The following HOMER2 variants were observed in gnomAD, a reference collection of about 807,000 sequenced individuals.
The protein encoded by HOMER2 is homer scaffold protein 2, also known as homer protein homolog 2.
HOMER2 carries 27 observed loss-of-function variants against 47.0 expected under a neutral mutation model. That is an observed-to-expected ratio of 0.57 (90% confidence interval 0.42 to 0.79). The LOEUF is 0.79. HOMER2 is among the 30% of genes least tolerant of loss of function. HOMER2 has a pLI of 0.00. For synonymous variants in HOMER2, 161 were observed against 163.8 expected (o/e 0.98, Z 0.13); for missense variants, 443 against 435.0 (o/e 1.02, Z -0.16).
chr15:82,911,456 A>G (rs1430459308), intron 1 of HOMER2, among the ~76,000 whole-genome samples: 2 of 152,202 alleles, frequency 1.3e-5, no homozygotes, highest in Non-Finnish European at 2.9e-5. Flanking sequence ...GGGGAAAAAA[A>G]GCTGTTTTTT....
chr15:82,917,324 A>G (rs1055977344), intron 1 of HOMER2, among the ~76,000 whole-genome samples: 5 of 152,238 alleles, frequency 3.3e-5, no homozygotes, highest in Non-Finnish European at 7.3e-5. Flanking sequence ...GGATATCACC[A>G]AGGTGGCCTC....
chr15:82,909,361 C>G (rs1039329122), intron 1 of HOMER2, among the ~76,000 whole-genome samples: 1 of 152,214 alleles, frequency 6.6e-6, no homozygotes, highest in African/African-American at 2.4e-5. Flanking sequence ...TTAGTCCCTA[C>G]TGCTGTGTCT....
At chr15:82,872,198 G>C (rs1330570370) in intron 3 of HOMER2, among the ~76,000 whole-genome samples, 2 of 152,130 alleles carry the variant, frequency 1.3e-5, no homozygotes. Flanking sequence ...TACCCCCTCA[G>C]ACAGAGGTTC....
chr15:82,897,046 C>CTGAAATT (rs2052946555), intron 1 of HOMER2, among the ~76,000 whole-genome samples: 1 of 131,152 alleles, frequency 7.6e-6, no homozygotes. Context: ...TATGACAGGT[C>CTGAAATT]TGAAATTTGA....
chr15:82,904,784 TC>T (rs925820256), intron 1 of HOMER2, among the ~76,000 whole-genome samples: 4 of 152,026 alleles, frequency 2.6e-5, no homozygotes, highest in Admixed American at 1.3e-4. Context: ...ATGCTTCCCC[TC>T]CCCCGGACCT....
At chr15:82,947,181 A>C (rs2054400246) in intron 1 of HOMER2, among the ~76,000 whole-genome samples, 1 of 152,240 alleles carries the variant, frequency 6.6e-6, no homozygotes. Flanking sequence ...AGAGAAGACA[A>C]ACTCACCTCA....
chr15:82,927,801 T>C (rs1011456129), intron 1 of HOMER2, among the ~76,000 whole-genome samples: 2 of 151,894 alleles, frequency 1.3e-5, no homozygotes, highest in Non-Finnish European at 2.9e-5. Flanking sequence ...TAAAACCCCA[T>C]CTCTACTAAA....
chr15:82,974,001 G>A (rs959273255), intron 1 of HOMER2, among the ~76,000 whole-genome samples: 9 of 152,112 alleles, frequency 5.9e-5, no homozygotes, highest in Non-Finnish European at 8.8e-5. Context: ...AGGAGTCTGA[G>A]GCACGAGGGT....
intron 1 of HOMER2, among the ~76,000 whole-genome samples, chr15:82,929,653 C>CAAAAA (rs373315567): frequency 8.8e-4 from 80 of 90,926 alleles, no homozygotes; most frequent in African/African-American, 2.6e-3. Flanking sequence ...GTGAGACTAT[C>CAAAAA]AAAAAAAAAA....
chr15:82,978,534 T>G (rs1396226080), intron 1 of HOMER2, among the ~76,000 whole-genome samples: 1 of 152,124 alleles, frequency 6.6e-6, no homozygotes, highest in Non-Finnish European at 1.5e-5. Flanking sequence ...TCCAATAACT[T>G]TAAACAGTTT....
intron 1 of HOMER2, among the ~76,000 whole-genome samples, chr15:82,948,796 A>G (rs2054438038): frequency 6.6e-6 from 1 of 152,250 alleles, no homozygotes; most frequent in Non-Finnish European, 1.5e-5. Flanking sequence ...GCAGCATGGC[A>G]GGGGGAGCTG....
chr15:82,986,137 T>C, upstream of HOMER2: 1 of 985,072 alleles, frequency 1.0e-6, no homozygotes, highest in Non-Finnish European at 1.2e-6. Flanking sequence ...TGCAAAGCGA[T>C]CCACACGGAG....
At chr15:82,852,450 C>A in intron 6 of HOMER2, 198 bp from the exon 7 acceptor site, 1 of 521,872 alleles carries the variant, frequency 1.9e-6, no homozygotes, top group Non-Finnish European at 3.4e-6. Context: ...ATGGGACCTG[C>A]TTTGCACATG....
rs2053922647 is a variant in HOMER2 at position 82,928,888 on chromosome 15, A to G, written c.5+23643T>C. Among the ~76,000 whole-genome samples the G allele has an allele frequency of 2.0e-5, 3 of 149,686 alleles. No individual in the cohort carries two copies. The Admixed American group carries it at 2.0e-4, about 10-fold the overall frequency. On this transcript the variant is annotated intron_variant, in intron 1 of 8. Coordinates refer to ENST00000450735, the MANE Select transcript of HOMER2 (RefSeq NM_004839.4). ...ACAGATGAATCCTATTACAGCCAGGAGAGCCCCATCTACAAAAAAACAGCT... is the reference window on the plus strand; with the variant it reads ...ACAGATGAATCCTATTACAGCCAGGGGAGCCCCATCTACAAAAAAACAGCT...
exon 2 of HOMER2, chr15:82,843,081 T>TAGAA (rs1207901070): frequency 1.3e-5 from 2 of 152,016 alleles, no homozygotes; most frequent in African/African-American, 2.4e-5. Context: ...TTTAACTGTT[T>TAGAA]AGAAAGAAAT....
At chr15:82,867,758 C>A (rs2052022641) in intron 3 of HOMER2, among the ~76,000 whole-genome samples, 1 of 151,968 alleles carries the variant, frequency 6.6e-6, no homozygotes. Flanking sequence ...ACCTACTGAC[C>A]CAGTGATACT....
rs549635597 is a variant in HOMER2 at position 82,849,458 on chromosome 15, T to G, written c.*257A>C. 1.6e-4 allele frequency: 84 copies of G among 515,332 alleles called. No homozygotes were observed. The highest frequency in any genetic ancestry group is 1.6e-3 in the African/African-American group (82 of 52,736). The allele number at this position is 515,332 out of a possible 1,614,324, so 31.9% of individuals were successfully genotyped here. ...AAGATATAAACATCCCTGCCCTGAC[T>G]GCATAAATGTTGAAGGTAGACCTAG... On this transcript the variant is annotated 3_prime_UTR_variant, in exon 9 of 9. Transcript: ENST00000450735.
At chr15:82,970,662 AG>A (rs1247244976) in intron 1 of HOMER2, among the ~76,000 whole-genome samples, 1 of 152,218 alleles carries the variant, frequency 6.6e-6, no homozygotes, top group African/African-American at 2.4e-5. Flanking sequence ...GTAAAGGAAA[AG>A]AGAACAAACA....
chr15:82,882,532 G>A (rs931435961), intron 2 of HOMER2, among the ~76,000 whole-genome samples: 3 of 152,240 alleles, frequency 2.0e-5, no homozygotes, highest in African/African-American at 4.8e-5. Flanking sequence ...TTAGACAACA[G>A]CTGGAACTGA....
Sources: gnomAD v4.1 joint callset for allele counts (sites outside exome capture counted in the v4.1 genomes callset) on GRCh38, gnomAD v4.1.1 for gene constraint, MANE v1.5 for transcripts, NCBI Gene and HGNC (gene_info 2026-07-23, HGNC 2026-07-21) for gene names.